Variants in STIL observed in about 807,000 individuals in gnomAD.
STIL encodes the protein SCL-interrupting locus protein.
Under a neutral mutation model 110.1 loss-of-function variants are expected in STIL, and 55 were observed. The observed-to-expected ratio is 0.50, with a 90% CI of 0.40 to 0.63. The LOEUF (loss-of-function observed/expected upper bound fraction) is 0.63. Among genes scored for constraint, STIL ranks in the 20% least tolerant of loss-of-function variants. The probability of loss-of-function intolerance (pLI) is 0.00; values close to 1 mark genes in which losing one functional copy is unlikely to be tolerated. For missense variants in STIL, 1,358 were observed against 1,530.0 expected (o/e 0.89, Z 1.87); for synonymous variants, 481 against 530.0 (o/e 0.91, Z 1.27).
rs1406886100 is a variant in STIL, at chr1:47,282,358, G to T, written c.1235C>A (p.Pro412Gln). ...AATCAGTGATACCTTCTGACTCACT[G>T]GATGAGGACTAGGAATTGGTCTTGG... ...FSPRPIPSPHPVSQKISKIQP... is the reference protein window; with the variant it reads ...FSPRPIPSPHQVSQKISKIQP... The change falls in exon 11 of 17, where the codon CCA (proline) becomes CAA (glutamine). Residue 412 changes from proline to glutamine, a missense_variant. Coordinates refer to ENST00000371877, the MANE Select transcript of STIL (RefSeq NM_001048166.1). 1.2e-6 allele frequency: 2 copies of T among 1,609,878 alleles called. No individual in the cohort carries two copies. Among genetic ancestry groups the T allele is most frequent in the Non-Finnish European group, 1.7e-6 (2 of 1,177,318 alleles).
intron 5 of STIL, 41 bp downstream of exon 5, chr1:47,301,520 T>G (rs1406390644): frequency 6.5e-7 from 1 of 1,537,524 alleles, no homozygotes; most frequent in Non-Finnish European, 9.0e-7. Context: ...ATAGTTTGAT[T>G]CTTGTGTTGA....
Position 47,260,428 on chromosome 1 carries a change from T to C in STIL, c.2941A>G (p.Lys981Glu). 1 of 1,614,188 alleles carries C rather than the reference T, an allele frequency of 6.2e-7. No individual in the cohort carries two copies. The change falls in exon 16 of 17, where the codon AAG (lysine) becomes GAG (glutamate). Residue 981 changes from lysine (K) to glutamate (E), a missense_variant. Transcript: ENST00000371877. ...AGTCTTGAATGATGTGTTTTTTTCTTTGTATGGTAAACGTTTTGGGTTCTG... is the reference window on the plus strand; with the variant it reads ...AGTCTTGAATGATGTGTTTTTTTCTCTGTATGGTAAACGTTTTGGGTTCTG... ...CTRTQNVYHT[K>E]KKTHHSRLVD...
At chr1:47,265,912 G>C (rs537669250) in intron 14 of STIL, among the ~76,000 whole-genome samples, 2 of 150,840 alleles carry the variant, frequency 1.3e-5, no homozygotes, top group African/African-American at 4.9e-5. Context: ...TTAGCCTCCC[G>C]AACAGCTGGG....
intron 13 of STIL, among the ~76,000 whole-genome samples, chr1:47,270,573 A>C (rs914115855): frequency 5.9e-5 from 9 of 151,978 alleles, no homozygotes; most frequent in Non-Finnish European, 1.3e-4. Context: ...TTTGACACTT[A>C]AATGCAATAT....
intron 14 of STIL, among the ~76,000 whole-genome samples, chr1:47,267,089 C>G (rs1343164978): frequency 6.6e-6 from 1 of 152,170 alleles, no homozygotes; most frequent in Non-Finnish European, 1.5e-5. Context: ...CAGATATTAT[C>G]ATGACTGGCT....
At chr1:47,275,601 C>T (rs1376331001) in intron 12 of STIL, among the ~76,000 whole-genome samples, 1 of 151,794 alleles carries the variant, frequency 6.6e-6, no homozygotes, top group African/African-American at 2.4e-5. Context: ...CAGTGAGACT[C>T]CATCTCAATA....
At chr1:47,299,844 A>G in intron 6 of STIL, 61 bp downstream of exon 6, 1 of 1,539,492 alleles carries the variant, frequency 6.5e-7, no homozygotes. Flanking sequence ...TTCACATTAC[A>G]TGGACATTCT....
chr1:47,275,552 G>A (rs1313460505), intron 12 of STIL, among the ~76,000 whole-genome samples: 2 of 152,026 alleles, frequency 1.3e-5, no homozygotes, highest in Non-Finnish European at 2.9e-5. Flanking sequence ...AGCTTGCAGT[G>A]AGCTGAGATC....
At chr1:47,260,981 G>T (rs899152523) in intron 15 of STIL, among the ~76,000 whole-genome samples, 5 of 152,162 alleles carry the variant, frequency 3.3e-5, no homozygotes, top group Non-Finnish European at 7.3e-5. Flanking sequence ...AAGTAGGCAG[G>T]TATTATGGTA....
chr1:47,299,031 C>T (rs1395524280), intron 6 of STIL, among the ~76,000 whole-genome samples: 1 of 122,130 alleles, frequency 8.2e-6, no homozygotes, highest in Non-Finnish European at 1.6e-5. Flanking sequence ...TTTTTACCAC[C>T]ACTTTTTTTT....
intron 14 of STIL, among the ~76,000 whole-genome samples, chr1:47,266,463 A>C (rs767515530): frequency 1.3e-5 from 2 of 152,154 alleles, no homozygotes; most frequent in Non-Finnish European, 2.9e-5. Context: ...GTCTCAAGCG[A>C]TCCTCCTGTT....
chr1:47,305,725 C>T (rs1380938338), intron 2 of STIL, among the ~76,000 whole-genome samples: 1 of 43,432 alleles, frequency 2.3e-5, no homozygotes, highest in Non-Finnish European at 3.7e-5. Context: ...CACGCCTGGC[C>T]TTTTTTTTTT....
rs1645888236 is a variant in STIL, at chr1:47,304,201, TTGAGACAAGG to T, written c.152+678_152+687del. 3.3e-5 allele frequency among the ~76,000 whole-genome samples: 5 copies of T among 152,090 alleles called. No homozygotes were observed. The South Asian group carries it at 1.0e-3, about 32-fold the overall frequency. On this transcript the variant is annotated intron_variant, in intron 3 of 16. Transcript: ENST00000371877. ...TTTTACTTTTTATTTTAATTTTTTA[TTGAGACAAGG>T]TCTCACTTTGTTGCCCAGGCTGGTT... is the stretch of plus-strand genomic sequence containing the variant.
Position 47,251,599 on chromosome 1 carries a change from T to C in STIL, c.3404A>G (p.Asn1135Ser), listed in dbSNP as rs777132737. 1.9e-6 allele frequency: 3 copies of C among 1,613,932 alleles called. No homozygotes were observed. The highest frequency in any genetic ancestry group is 3.3e-5 in the Admixed American group (2 of 59,982). ...GGGAGGTTCCTCTTCATCTTCACTATTGTCACTGCTTTGTAGGAGTCCATA... is the reference window on the plus strand; with the variant it reads ...GGGAGGTTCCTCTTCATCTTCACTACTGTCACTGCTTTGTAGGAGTCCATA... Reference protein sequence around the residue: ...KRYGLLQSSDNSEDEEEPPDN... With the variant: ...KRYGLLQSSDSSEDEEEPPDN... The change falls in exon 17 of 17, where the codon AAT (asparagine) becomes AGT (serine). Residue 1135 changes from asparagine (N) to serine (S), a missense_variant. Transcript: ENST00000371877.
At chr1:47,255,414 G>A (rs1018581979) in intron 16 of STIL, among the ~76,000 whole-genome samples, 6 of 151,852 alleles carry the variant, frequency 4.0e-5, no homozygotes, top group South Asian at 2.1e-4. Context: ...TGGGTGTGCT[G>A]CTGCACACCT....
In STIL at chr1:47,304,986, T is replaced by C. The variant is rs770334372; in HGVS notation, c.55A>G (p.Ser19Gly). ...GGAAAGTGGAAAGGTACCATCCTGC[T>C]TGAAGGAAACCTTTTGAAAAAACAA... is the stretch of plus-strand genomic sequence containing the variant. The part of the protein sequence containing the change: ...RPQMNTRFPS[S>G]RMVPFHFPPS... Residue 19 changes from serine (S) to glycine (G), a missense_variant, in exon 3 of 17, where the codon AGC becomes GGC. Physicochemically the swap from Ser to Gly is moderately conservative, Grantham distance 56. Coordinates refer to ENST00000371877, the MANE Select transcript of STIL (RefSeq NM_001048166.1). The C allele has an allele frequency of 1.9e-6, 3 of 1,613,772 alleles. No homozygotes were observed. Among genetic ancestry groups the C allele is most frequent in the Admixed American group, 3.3e-5 (2 of 60,006 alleles).
intron 14 of STIL, among the ~76,000 whole-genome samples, chr1:47,267,804 G>A (rs948985692): frequency 2.6e-5 from 4 of 151,656 alleles, no homozygotes; most frequent in Non-Finnish European, 5.9e-5. Flanking sequence ...CCACCTCCCA[G>A]GTTCAGGCAA....
chr1:47,261,092 T>C (rs1442178019), intron 15 of STIL, among the ~76,000 whole-genome samples: 1 of 151,712 alleles, frequency 6.6e-6, no homozygotes, highest in African/African-American at 2.4e-5. Flanking sequence ...TTCATTCACT[T>C]AAAAACCAAC....
In STIL at chr1:47,287,654, C is replaced by A; in HGVS notation, c.1030G>T (p.Glu344Ter). The A allele has an allele frequency of 6.2e-7, 1 of 1,612,178 alleles. No individual in the cohort carries two copies. The highest frequency in any genetic ancestry group is 8.5e-7 in the Non-Finnish European group (1 of 1,178,568). The change falls in exon 10 of 17, where the codon GAA (glutamate) becomes TAA (stop). Residue 344 changes from glutamate to a stop codon, truncating the protein, a stop_gained. Coordinates refer to ENST00000371877, the MANE Select transcript of STIL (RefSeq NM_001048166.1). LOFTEE classifies it high-confidence loss of function. ...CGGATTGGATTTTTGTCAGGAGGTT[C>A]AACATTCTGAAATGAAGTAGGTCAT... ...KETLHLFKNV[E>*]PPDKNPIRCE...
Sources: allele counts gnomAD v4.1 joint callset (sites outside exome capture counted in the v4.1 genomes callset), GRCh38; gene constraint gnomAD v4.1.1; transcripts MANE v1.5; gene names NCBI Gene and HGNC (gene_info 2026-07-23, HGNC 2026-07-21).